Variants in ANKRD30BL observed in about 807,000 individuals in gnomAD.
ANKRD30BL encodes ankyrin repeat domain 30B like, also known as putative ankyrin repeat domain-containing protein 30B-like.
In ANKRD30BL, 20 loss-of-function variants were observed where a neutral mutation model predicts 18.4. The ratio of observed to expected loss-of-function variants is 1.09; its 90% CI spans 0.77 to 1.58. The LOEUF is 1.58. Ranked by LOEUF, ANKRD30BL falls within the 40% of genes most tolerant of loss-of-function variation. ANKRD30BL has a pLI of 0.00. For synonymous variants in ANKRD30BL, 72 were observed against 100.9 expected, an observed-to-expected ratio of 0.71 and a Z score of 1.72; for missense variants, 224 against 268.6, an observed-to-expected ratio of 0.83 and a Z score of 1.16.
At chr2:132,257,212 G>A (rs796202597) in intron 1 of ANKRD30BL, 1 of 413,022 alleles carries the variant, frequency 2.4e-6, no homozygotes, top group Admixed American at 2.9e-5. Flanking sequence ...CCAGGAGACC[G>A]GCATGCCCCC....
At chr2:132,245,246 G>A (rs1680463799) in intron 1 of ANKRD30BL, among the ~76,000 whole-genome samples, 2 of 152,290 alleles carry the variant, frequency 1.3e-5, no homozygotes, top group Non-Finnish European at 2.9e-5. Context: ...ATAACTTTGA[G>A]GCCTTTGCTG....
intron 4 of ANKRD30BL, among the ~76,000 whole-genome samples, chr2:132,153,324 C>A (rs1035849723): frequency 3.9e-5 from 6 of 152,110 alleles, no homozygotes; most frequent in Non-Finnish European, 5.9e-5. Flanking sequence ...ATTAGAAAAA[C>A]CAAAATTGTG....
Position 132,242,702 on chromosome 2 carries a change from G to A in ANKRD30BL, n.441+14827C>T, listed in dbSNP as rs544874780. ...ATAGGTTTCTGGTTTTGTTGGAAAC[G>A]GGAATAGCTTCACATAAAAGCTACA... On this transcript the variant is annotated intron_variant and non_coding_transcript_variant, in intron 1 of 4. Coordinates refer to the ANKRD30BL transcript ENST00000470729. 1.2e-4 allele frequency among the ~76,000 whole-genome samples: 18 copies of A among 151,486 alleles called. No individual in the cohort carries two copies. The East Asian group carries it at 1.9e-3, about 16-fold the overall frequency.
At chr2:132,175,718 T>C (rs1260797844) in intron 1 of ANKRD30BL, among the ~76,000 whole-genome samples, 2 of 152,360 alleles carry the variant, frequency 1.3e-5, no homozygotes, top group East Asian at 3.9e-4. Flanking sequence ...CCCTGCGGCT[T>C]TCCGCAGTGC....
intron 1 of ANKRD30BL, among the ~76,000 whole-genome samples, chr2:132,187,523 C>A (rs900166898): frequency 6.6e-6 from 1 of 151,806 alleles, no homozygotes; most frequent in African/African-American, 2.4e-5. Context: ...ACCGTGTTAG[C>A]AAGGATGGTC....
chr2:132,253,245 T>C (rs918995677), intron 1 of ANKRD30BL: 3 of 164,436 alleles, frequency 1.8e-5, no homozygotes, highest in Non-Finnish European at 4.1e-5. Context: ...TTCACATTAA[T>C]TCTCCCAGCT....
chr2:132,177,796 T>C (rs1204737792), intron 1 of ANKRD30BL, among the ~76,000 whole-genome samples: 2 of 152,192 alleles, frequency 1.3e-5, no homozygotes, highest in African/African-American at 2.4e-5. Context: ...AATGTGGTTA[T>C]ATTGACCCCT....
At chr2:132,238,561 A>T (rs911270499) in intron 1 of ANKRD30BL, among the ~76,000 whole-genome samples, 11 of 151,772 alleles carry the variant, frequency 7.2e-5, no homozygotes, top group Non-Finnish European at 1.6e-4. Context: ...CTTTTTGTAG[A>T]ATCTGTAAGT....
In ANKRD30BL at chr2:132,161,656, C is replaced by A; in HGVS notation, c.50G>T (p.Arg17Leu). 6.9e-7 allele frequency: 1 copy of A among 1,452,212 alleles called. No homozygotes were observed. Among genetic ancestry groups the A allele is most frequent in the Non-Finnish European group, 9.4e-7 (1 of 1,059,388 alleles). 90.0% of individuals were successfully genotyped at this position (1,452,212 alleles called of 1,614,324 possible). A position where few individuals can be genotyped will look rare whatever the true frequency, so the allele number is the denominator to read the frequency against. ...APVKGQTGPE[R>L]PSPFSQLVYT... ...GACCAGCTGACTGAAGGGGCTCGGG[C>A]GCTCTGGGCCCGTCTGGCCCTTGAC... Residue 17 changes from arginine (R) to leucine (L), a missense_variant, in exon 1 of 6, where the codon CGC (arginine) becomes CTC (leucine). Coordinates refer to ENST00000409867, the MANE Select transcript of ANKRD30BL (RefSeq NM_001358416.1).
intron 1 of ANKRD30BL, among the ~76,000 whole-genome samples, chr2:132,186,076 G>A (rs1343582898): frequency 2.0e-5 from 3 of 151,576 alleles, no homozygotes; most frequent in Non-Finnish European, 4.4e-5. Context: ...GGGAGGCAGA[G>A]GTTGCAGTGA....
At chr2:132,162,168 G>A (rs1201235289), upstream of ANKRD30BL, among the ~76,000 whole-genome samples, 1 of 152,128 alleles carries the variant, frequency 6.6e-6, no homozygotes, top group Non-Finnish European at 1.5e-5. Context: ...AGATCCAGGA[G>A]CTGGGCCCTG....
chr2:132,167,251 A>T (rs1301850829), intron 1 of ANKRD30BL, among the ~76,000 whole-genome samples: 1 of 150,560 alleles, frequency 6.6e-6, no homozygotes, highest in African/African-American at 2.5e-5. Context: ...GAAGTAGAAT[A>T]TAAACATTAA....
intron 1 of ANKRD30BL, among the ~76,000 whole-genome samples, chr2:132,174,177 A>ATGTCCT (rs1688326443): frequency 6.6e-6 from 1 of 152,232 alleles, no homozygotes; most frequent in African/African-American, 2.4e-5. Context: ...ACACCCAGTT[A>ATGTCCT]TGTCCTTGTA....
chr2:132,187,255 G>A (rs890157389), intron 1 of ANKRD30BL, among the ~76,000 whole-genome samples: 3 of 145,258 alleles, frequency 2.1e-5, no homozygotes, highest in South Asian at 2.2e-4. Flanking sequence ...GTGGAGTGGC[G>A]TGATCTCGGC....
chr2:132,248,990 C>A (rs1680577513), intron 1 of ANKRD30BL, among the ~76,000 whole-genome samples: 1 of 152,102 alleles, frequency 6.6e-6, no homozygotes, highest in Non-Finnish European at 1.5e-5. Context: ...AAACTGCTCA[C>A]AAATATCCCT....
At chr2:132,181,211 T>C (rs890334043) in intron 1 of ANKRD30BL, among the ~76,000 whole-genome samples, 4 of 152,062 alleles carry the variant, frequency 2.6e-5, no homozygotes, top group African/African-American at 9.7e-5. Flanking sequence ...TGGTGGCTGA[T>C]GCCTGTAATC....
chr2:132,184,947 G>A (rs979311427), intron 1 of ANKRD30BL, among the ~76,000 whole-genome samples: 1 of 151,952 alleles, frequency 6.6e-6, no homozygotes, highest in African/African-American at 2.4e-5. Context: ...TGAGTAGCTG[G>A]GACTACAGGT....
chr2:132,251,403 A>G (rs1205921823), intron 1 of ANKRD30BL, among the ~76,000 whole-genome samples: 1 of 147,662 alleles, frequency 6.8e-6, no homozygotes, highest in Middle Eastern at 3.2e-3. Flanking sequence ...TTCGACAGTC[A>G]AGATGCAGAA....
At chr2:132,172,307 A>G (rs1238616890) in intron 1 of ANKRD30BL, among the ~76,000 whole-genome samples, 1 of 152,196 alleles carries the variant, frequency 6.6e-6, no homozygotes, top group Non-Finnish European at 1.5e-5. Context: ...ACTGTTGTCC[A>G]CAGAAGCTAC....
Sources: allele counts gnomAD v4.1 joint callset (sites outside exome capture counted in the v4.1 genomes callset), GRCh38; gene constraint gnomAD v4.1.1; transcripts MANE v1.5; gene names NCBI Gene and HGNC (gene_info 2026-07-23, HGNC 2026-07-21).